Variants in MARCHF1 observed in about 807,000 individuals in gnomAD.
MARCHF1 encodes membrane associated ring-CH-type finger 1, also known as E3 ubiquitin-protein ligase MARCHF1.
In MARCHF1, 40 loss-of-function variants were observed where a neutral mutation model predicts 54.2. The ratio of observed to expected loss-of-function variants is 0.74; its 90% CI spans 0.57 to 0.96. MARCHF1 has a LOEUF of 0.96. Ranked by LOEUF, MARCHF1 falls within the 40% of genes least tolerant of loss-of-function variation. The pLI is 0.00. For missense variants in MARCHF1, 586 were observed against 656.5 expected (o/e 0.89, Z 1.17); for synonymous variants, 236 against 236.3 (o/e 1.00, Z 0.01).
At chr4:163,877,897 C>T (rs1474908564) in intron 3 of MARCHF1, among the ~76,000 whole-genome samples, 1 of 152,194 alleles carries the variant, frequency 6.6e-6, no homozygotes, top group Admixed American at 6.5e-5. Flanking sequence ...GAAGCCAGAT[C>T]TCTTCCCATG....
chr4:163,684,943 TGTCA>T (rs1407399027), intron 5 of MARCHF1, among the ~76,000 whole-genome samples: 3 of 152,354 alleles, frequency 2.0e-5, no homozygotes, highest in East Asian at 3.9e-4. Flanking sequence ...CCACGATGCC[TGTCA>T]AAGTAAGCTG....
intron 1 of MARCHF1, among the ~76,000 whole-genome samples, chr4:164,269,495 T>A (rs1733691007): frequency 6.6e-6 from 1 of 152,176 alleles, no homozygotes; most frequent in South Asian, 2.1e-4. Flanking sequence ...CCTCAACCTC[T>A]TGGGATGCAC....
chr4:163,896,550 T>C (rs1284346446), intron 3 of MARCHF1, among the ~76,000 whole-genome samples: 3 of 152,184 alleles, frequency 2.0e-5, no homozygotes, highest in African/African-American at 7.2e-5. Flanking sequence ...ATTGTCCCTC[T>C]ACGACACTTC....
At chr4:164,197,527 T>A (rs139427162) in intron 1 of MARCHF1, 47 of 1,613,432 alleles carry the variant, frequency 2.9e-5, no homozygotes, top group Middle Eastern at 3.3e-4. Context: ...CAACTTTAAC[T>A]TTGGTAAGTC....
intron 1 of MARCHF1, among the ~76,000 whole-genome samples, chr4:164,376,579 A>G (rs1731200189): frequency 6.6e-6 from 1 of 152,112 alleles, no homozygotes; most frequent in Admixed American, 6.6e-5. Flanking sequence ...GGTCACTTCC[A>G]TGGCCGGTTG....
At chr4:163,685,356 C>T (rs1744233575) in intron 5 of MARCHF1, among the ~76,000 whole-genome samples, 1 of 152,144 alleles carries the variant, frequency 6.6e-6, no homozygotes, top group Admixed American at 6.6e-5. Context: ...TCCTATTCCC[C>T]TTCTCAAGAA....
At chr4:163,683,594 G>T (rs1191080849) in intron 5 of MARCHF1, among the ~76,000 whole-genome samples, 1 of 152,146 alleles carries the variant, frequency 6.6e-6, no homozygotes, top group East Asian at 1.9e-4. Flanking sequence ...TTGGAACGAG[G>T]TGTATTTACA....
chr4:164,380,031 T>C (rs1305959037), intron 1 of MARCHF1, among the ~76,000 whole-genome samples: 1 of 150,654 alleles, frequency 6.6e-6, no homozygotes, highest in African/African-American at 2.4e-5. Context: ...AAAAATTACA[T>C]CTATTTAAAA....
intron 2 of MARCHF1, among the ~76,000 whole-genome samples, chr4:164,101,044 G>A (rs566886675): frequency 2.6e-5 from 4 of 152,218 alleles, no homozygotes; most frequent in Non-Finnish European, 5.9e-5. Context: ...CGAATACTGC[G>A]CTTTTCCAAT....
At chr4:164,337,888 A>C (rs1729797613) in intron 1 of MARCHF1, among the ~76,000 whole-genome samples, 1 of 152,236 alleles carries the variant, frequency 6.6e-6, no homozygotes, top group Admixed American at 6.5e-5. Flanking sequence ...AAGAAAAGGC[A>C]CAGAATCTTA....
rs74286462 is a variant in MARCHF1, at chr4:163,911,952, G to A, written c.-38-57783C>T. On this transcript the variant is annotated intron_variant, in intron 3 of 9. Coordinates refer to ENST00000514618, the MANE Select transcript of MARCHF1 (RefSeq NM_001394959.1). ...ATCTGTGGTACTATGTTGTGGTAGC[G>A]CTAGTACATAAATAGAACGATTTAA... 0.018 allele frequency among the ~76,000 whole-genome samples: 2,688 copies of A among 152,142 alleles called. 139 individuals carry two copies. The East Asian group carries it at 0.19, about 11-fold the overall frequency.
intron 8 of MARCHF1, among the ~76,000 whole-genome samples, chr4:163,562,398 A>G (rs1739500550): frequency 5.3e-5 from 8 of 152,186 alleles, no homozygotes; most frequent in Admixed American, 5.2e-4. Context: ...ATTTACTCTC[A>G]GTCCTGTCTG....
chr4:163,695,773 T>C (rs548087603), intron 5 of MARCHF1, among the ~76,000 whole-genome samples: 27 of 152,298 alleles, frequency 1.8e-4, no homozygotes, highest in African/African-American at 6.0e-4. Context: ...AAGGTTTTTC[T>C]TGGGAGATAC....
At chr4:163,654,908 T>C (rs1158370129) in intron 5 of MARCHF1, among the ~76,000 whole-genome samples, 1 of 151,548 alleles carries the variant, frequency 6.6e-6, no homozygotes, top group Non-Finnish European at 1.5e-5. Context: ...TCTCTATTTA[T>C]TTCTATTATC....
chr4:163,527,958 T>C lies in MARCHF1; in HGVS notation c.*790A>G, dbSNP rs1344509015. 1 of 152,554 alleles carries C rather than the reference T, an allele frequency of 6.6e-6. No homozygotes were observed. Among genetic ancestry groups the C allele is most frequent in the Non-Finnish European group, 1.5e-5 (1 of 67,986 alleles). 9.5% of individuals were successfully genotyped at this position (152,554 alleles called of 1,614,324 possible). A position where few individuals can be genotyped will look rare whatever the true frequency, so the allele number is the denominator to read the frequency against. ...GCTACTGGGAAGTTAAATATTTGCA[T>C]CTGTGGCCTGCATTTGTGGCTGTTG... On this transcript the variant is annotated 3_prime_UTR_variant, in exon 10 of 10. Coordinates refer to ENST00000514618, the MANE Select transcript of MARCHF1 (RefSeq NM_001394959.1).
intron 4 of MARCHF1, among the ~76,000 whole-genome samples, chr4:163,701,880 A>G (rs1211514107): frequency 6.6e-6 from 1 of 151,950 alleles, no homozygotes; most frequent in Non-Finnish European, 1.5e-5. Context: ...AGTGGGCCTG[A>G]GTAGGCAACT....
At chr4:163,766,266 C>T (rs1746974181) in intron 4 of MARCHF1, among the ~76,000 whole-genome samples, 1 of 151,898 alleles carries the variant, frequency 6.6e-6, no homozygotes, top group African/African-American at 2.4e-5. Context: ...ATAGGGTAAG[C>T]GTCATCCAGA....
intron 4 of MARCHF1, among the ~76,000 whole-genome samples, chr4:163,761,556 T>C (rs1231501590): frequency 6.6e-6 from 1 of 152,172 alleles, no homozygotes; most frequent in Admixed American, 6.5e-5. Context: ...CTCACTCCAA[T>C]GAGATCAGCC....
intron 5 of MARCHF1, among the ~76,000 whole-genome samples, chr4:163,642,474 CG>C (rs1742589378): frequency 6.6e-6 from 1 of 152,126 alleles, no homozygotes; most frequent in East Asian, 1.9e-4. Context: ...AAAGTCACTT[CG>C]GTTCTGGGTG....
Sources: gnomAD v4.1 joint callset for allele counts (sites outside exome capture counted in the v4.1 genomes callset) on GRCh38, gnomAD v4.1.1 for gene constraint, MANE v1.5 for transcripts, NCBI Gene and HGNC (gene_info 2026-07-23, HGNC 2026-07-21) for gene names.